Variants in WDR26 observed in about 807,000 individuals in gnomAD.
The protein encoded by WDR26 is WD repeat-containing protein 26.
WDR26 carries 5 observed loss-of-function variants against 84.1 expected under a neutral mutation model. The ratio of observed to expected loss-of-function variants is 0.06; its 90% CI spans 0.03 to 0.13. The LOEUF is 0.13. Among genes scored for constraint, WDR26 ranks in the 10% least tolerant of loss-of-function variants. The probability of loss-of-function intolerance (pLI) is 1.00; values close to 1 mark genes in which losing one functional copy is unlikely to be tolerated. For synonymous variants in WDR26, 415 were observed against 389.6 expected (o/e 1.07, Z -0.77); for missense variants, 642 against 974.9 (o/e 0.66, Z 4.55).
At chr1:224,417,658 C>A (rs1219316359) in intron 6 of WDR26, among the ~76,000 whole-genome samples, 1 of 152,152 alleles carries the variant, frequency 6.6e-6, no homozygotes, top group African/African-American at 2.4e-5. Context: ...TATGATCATG[C>A]CACTGCACTC....
At chr1:224,399,459 A>T (rs1673351323) in intron 9 of WDR26, among the ~76,000 whole-genome samples, 1 of 152,220 alleles carries the variant, frequency 6.6e-6, no homozygotes, top group Non-Finnish European at 1.5e-5. Flanking sequence ...CTTCATACAG[A>T]CTGGAGGAAT....
chr1:224,424,029 T>C (rs1459652981), intron 4 of WDR26, among the ~76,000 whole-genome samples: 2 of 143,884 alleles, frequency 1.4e-5, no homozygotes, highest in Admixed American at 7.4e-5. Flanking sequence ...TGGACAACAC[T>C]GTAAGACCCT....
At chr1:224,432,766 G>A (rs913187221) in intron 1 of WDR26, among the ~76,000 whole-genome samples, 1 of 152,158 alleles carries the variant, frequency 6.6e-6, no homozygotes, top group African/African-American at 2.4e-5. Context: ...GACTGCTGCT[G>A]CACGTCCTCC....
chr1:224,416,743 A>T (rs1673915270), intron 6 of WDR26, among the ~76,000 whole-genome samples: 1 of 152,200 alleles, frequency 6.6e-6, no homozygotes, highest in Non-Finnish European at 1.5e-5. Flanking sequence ...ACAACCTTTC[A>T]AAATATTTAA....
chr1:224,391,267 G>T (rs1303004712), intron 13 of WDR26, among the ~76,000 whole-genome samples: 2 of 149,388 alleles, frequency 1.3e-5, no homozygotes, highest in African/African-American at 5.0e-5. Flanking sequence ...TCAGGAGGCT[G>T]AGGCAGAATT....
intron 7 of WDR26, among the ~76,000 whole-genome samples, chr1:224,405,699 T>C (rs996660865): frequency 7.2e-5 from 11 of 152,230 alleles, no homozygotes; most frequent in African/African-American, 2.7e-4. Flanking sequence ...CAATGGGGAT[T>C]TGAATCTGGG....
chr1:224,414,465 A>G (rs1056769232), intron 6 of WDR26, among the ~76,000 whole-genome samples: 2 of 122,222 alleles, frequency 1.6e-5, no homozygotes, highest in Non-Finnish European at 3.4e-5. Flanking sequence ...TTTATTCAGA[A>G]TAATTCATTT....
At position 224,404,430 on chromosome 1, in the gene WDR26, T is replaced by G; in HGVS notation, c.1599A>C (p.Gln533His). Residue 533 changes from glutamine (Q) to histidine (H), a missense_variant and splice_region_variant, in exon 8 of 14, where the codon CAA (glutamine) becomes CAC (histidine). Around this residue, in one of 2 missense-constraint regions of WDR26, gnomAD observed 351 missense variants for 672.8 expected, o/e 0.52. Transcript: ENST00000414423. ...TCAACCAAAGATGGAACTCGCTCAC[T>G]TGTACATTCCAAAGCCAAAGCTCAG... 1 of 1,613,828 alleles carries G rather than the reference T, an allele frequency of 6.2e-7. No homozygotes were observed. The highest frequency in any genetic ancestry group is 8.5e-7 in the Non-Finnish European group (1 of 1,179,882).
At chr1:224,399,127 G>A (rs916906689) in intron 9 of WDR26, 93 bp from the exon 10 acceptor site, 22 of 1,211,810 alleles carry the variant, frequency 1.8e-5, no homozygotes, top group Non-Finnish European at 2.2e-5. Context: ...ATATCTTTTA[G>A]TAACAGGTTT....
chr1:224,412,139 T>C (rs1184652873), intron 6 of WDR26, among the ~76,000 whole-genome samples: 5 of 152,224 alleles, frequency 3.3e-5, no homozygotes, highest in Non-Finnish European at 7.3e-5. Flanking sequence ...AAAAGGAGAT[T>C]AGTATCTACC....
intron 8 of WDR26, among the ~76,000 whole-genome samples, chr1:224,402,715 T>C (rs1673451160): frequency 6.6e-6 from 1 of 152,228 alleles, no homozygotes; most frequent in Admixed American, 6.5e-5. Flanking sequence ...TTTTCATTGA[T>C]CTTCTAGGTC....
chr1:224,399,619 C>T (rs1673354628), intron 9 of WDR26, among the ~76,000 whole-genome samples: 1 of 152,150 alleles, frequency 6.6e-6, no homozygotes, highest in South Asian at 2.1e-4. Flanking sequence ...ATCTTGATGG[C>T]TTAACACAGT....
intron 7 of WDR26, among the ~76,000 whole-genome samples, chr1:224,406,985 G>C (rs918418306): frequency 6.6e-6 from 1 of 150,610 alleles, no homozygotes; most frequent in Non-Finnish European, 1.5e-5. Flanking sequence ...AGCCGGGTGT[G>C]GTGGTGGGTG....
chr1:224,405,393 G>A (rs1184487224), intron 7 of WDR26, among the ~76,000 whole-genome samples: 1 of 152,142 alleles, frequency 6.6e-6, no homozygotes, highest in Non-Finnish European at 1.5e-5. Flanking sequence ...ATATGTATGA[G>A]TTTTTGTGTA....
chr1:224,415,453 C>CTTTCTTTTTT (rs1673869173), intron 6 of WDR26, among the ~76,000 whole-genome samples: 1 of 82,340 alleles, frequency 1.2e-5, no homozygotes, highest in African/African-American at 4.9e-5. Flanking sequence ...GTATTTCTTT[C>CTTTCTTTTTT]TTTTTTTTTT....
Position 224,389,658 on chromosome 1 carries a change from T to C in WDR26, c.*177A>G. On this transcript the variant is annotated 3_prime_UTR_variant, in exon 14 of 14. Transcript: ENST00000414423. ...TTCTAACGACGTGCTTCATCTCAAC[T>C]GGTTACTATGAAGCAAGGTGTAAAT... 1.5e-6 allele frequency: 1 copy of C among 665,080 alleles called. No individual in the cohort carries two copies. Among genetic ancestry groups the C allele is most frequent in the Non-Finnish European group, 2.6e-6 (1 of 380,180 alleles). The allele number at this position is 665,080 out of a possible 1,614,324, so 41.2% of individuals were successfully genotyped here.
chr1:224,416,450 T>C (rs1364903046), intron 6 of WDR26, among the ~76,000 whole-genome samples: 1 of 152,110 alleles, frequency 6.6e-6, no homozygotes, highest in East Asian at 1.9e-4. Context: ...ATGGTCTCAA[T>C]CTCCTGACCT....
intron 7 of WDR26, among the ~76,000 whole-genome samples, chr1:224,409,336 T>C (rs1297794022): frequency 6.6e-6 from 1 of 152,206 alleles, no homozygotes; most frequent in Non-Finnish European, 1.5e-5. Context: ...TCCTTAGTAA[T>C]GAATACATAA....
chr1:224,400,690 C>A (rs1673388279), intron 9 of WDR26, among the ~76,000 whole-genome samples: 1 of 152,090 alleles, frequency 6.6e-6, no homozygotes, highest in South Asian at 2.1e-4. Flanking sequence ...GGATTACAGG[C>A]ACCCACCACC....
Sources: gnomAD v4.1 joint callset for allele counts (sites outside exome capture counted in the v4.1 genomes callset) on GRCh38, gnomAD v4.1.1 for gene constraint, gnomAD v4.1.1 regional missense constraint, MANE v1.5 for transcripts, NCBI Gene and HGNC (gene_info 2026-07-23, HGNC 2026-07-21) for gene names.